ROBO1: variants seen among roughly 807,000 people sequenced by gnomAD.
ROBO1 encodes the protein roundabout homolog 1.
In ROBO1, 149 loss-of-function variants were observed where a neutral mutation model predicts 195.9. That is an observed-to-expected ratio of 0.76 (90% CI 0.67 to 0.87). The LOEUF (loss-of-function observed/expected upper bound fraction) is 0.87, where lower values mean the gene tolerates loss of function less well. Among genes scored for constraint, ROBO1 ranks in the 40% least tolerant of loss-of-function variants. The pLI is 0.00. For synonymous variants in ROBO1, 816 were observed against 733.2 expected (o/e 1.11, Z -1.82); for missense variants, 1,933 against 2,068.3 (o/e 0.93, Z 1.27).
chr3:79,218,718 G>A (rs1269281456), intron 2 of ROBO1, among the ~76,000 whole-genome samples: 2 of 151,756 alleles, frequency 1.3e-5, no homozygotes, highest in Non-Finnish European at 2.9e-5. Context: ...AGACTCCCTC[G>A]AGTCCCAAGG....
At chr3:79,144,926 G>T (rs563002974) in intron 2 of ROBO1, among the ~76,000 whole-genome samples, 1 of 152,034 alleles carries the variant, frequency 6.6e-6, no homozygotes, top group South Asian at 2.1e-4. Context: ...GTGTGTTTTG[G>T]ACTATATAGT....
chr3:79,263,798 A>C (rs2082983608), intron 2 of ROBO1, among the ~76,000 whole-genome samples: 1 of 151,916 alleles, frequency 6.6e-6, no homozygotes, highest in Non-Finnish European at 1.5e-5. Context: ...TTTCCCTCCC[A>C]CTTAAAACAT....
chr3:79,113,651 G>A (rs991346412), intron 3 of ROBO1, among the ~76,000 whole-genome samples: 4 of 151,852 alleles, frequency 2.6e-5, no homozygotes, highest in South Asian at 2.1e-4. Flanking sequence ...CCTGTAACCC[G>A]AGCTACTTGG....
chr3:79,635,177 A>G (rs1945461428), intron 1 of ROBO1, among the ~76,000 whole-genome samples: 1 of 152,204 alleles, frequency 6.6e-6, no homozygotes, highest in African/African-American at 2.4e-5. Context: ...CCTATGTTTT[A>G]CCATCGCCTT....
At chr3:79,327,801 T>C (rs2034274037) in intron 2 of ROBO1, among the ~76,000 whole-genome samples, 1 of 152,140 alleles carries the variant, frequency 6.6e-6, no homozygotes, top group Non-Finnish European at 1.5e-5. Context: ...ATGATGCATA[T>C]GACAGCCAAA....
intron 2 of ROBO1, among the ~76,000 whole-genome samples, chr3:79,357,230 G>T (rs149667808): frequency 3.1e-4 from 47 of 152,202 alleles, no homozygotes; most frequent in African/African-American, 1.0e-3. Flanking sequence ...AGTCATGAGG[G>T]CACATGCCTG....
chr3:79,164,778 C>T (rs1452020641), intron 2 of ROBO1, among the ~76,000 whole-genome samples: 2 of 152,114 alleles, frequency 1.3e-5, no homozygotes, highest in Non-Finnish European at 2.9e-5. Flanking sequence ...ACTCCTCTCC[C>T]CTTGCTCTAT....
intron 3 of ROBO1, among the ~76,000 whole-genome samples, chr3:78,980,677 C>T (rs1424560664): frequency 6.6e-6 from 1 of 152,096 alleles, no homozygotes; most frequent in Non-Finnish European, 1.5e-5. Flanking sequence ...GTTAAAAACA[C>T]CACCACCACC....
intron 2 of ROBO1, among the ~76,000 whole-genome samples, chr3:79,181,092 A>T (rs1476665056): frequency 6.6e-6 from 1 of 152,122 alleles, no homozygotes; most frequent in Admixed American, 6.5e-5. Context: ...TCTGTCTCTC[A>T]TAGTCTTCTC....
At chr3:79,723,762 CTT>C (rs1335355891) in intron 1 of ROBO1, among the ~76,000 whole-genome samples, 6 of 151,104 alleles carry the variant, frequency 4.0e-5, no homozygotes, top group Non-Finnish European at 7.4e-5. Flanking sequence ...TAATATGAAA[CTT>C]AATTAAACTT....
rs138062241 is a variant in ROBO1 at position 79,759,942 on chromosome 3, A to C, written c.-51+7810T>G. ...GGTAGATCAAAAGACCTGAATGTAA[A>C]AAGCAAAACTGAGGCGGGGAGTGGT... On this transcript the variant is annotated intron_variant, in intron 1 of 30. Transcript: ENST00000464233. Among the ~76,000 whole-genome samples the C allele has an allele frequency of 2.3e-3, 345 of 152,266 alleles. 2 individuals carry two copies. The highest frequency in any genetic ancestry group is 7.8e-3 in the African/African-American group (324 of 41,562).
chr3:79,585,718 T>C (rs1201560693), intron 2 of ROBO1, among the ~76,000 whole-genome samples: 4 of 151,936 alleles, frequency 2.6e-5, no homozygotes, highest in African/African-American at 4.8e-5. Context: ...TGTTAGATAA[T>C]TTGTAGATAT....
intron 1 of ROBO1, among the ~76,000 whole-genome samples, chr3:79,752,013 C>T (rs923400838): frequency 7.2e-5 from 11 of 152,138 alleles, no homozygotes; most frequent in South Asian, 2.1e-4. Flanking sequence ...CAGCTACAAA[C>T]GAAAACAATA....
intron 3 of ROBO1, among the ~76,000 whole-genome samples, chr3:79,114,095 A>T (rs2079945559): frequency 6.6e-6 from 1 of 152,164 alleles, no homozygotes. Flanking sequence ...TCCTGCCTTC[A>T]TGTAAGACTT....
intron 2 of ROBO1, among the ~76,000 whole-genome samples, chr3:79,561,808 G>A (rs1942929851): frequency 6.6e-6 from 1 of 152,082 alleles, no homozygotes; most frequent in Non-Finnish European, 1.5e-5. Context: ...GATGAAGACT[G>A]CACTGTGGAC....
intron 2 of ROBO1, among the ~76,000 whole-genome samples, chr3:79,201,700 T>A (rs2081767244): frequency 1.3e-5 from 2 of 151,890 alleles, no homozygotes; most frequent in Admixed American, 1.3e-4. Flanking sequence ...CTAGTCCTCA[T>A]CTTCCTCAAC....
chr3:79,066,749 G>A (rs970154004), intron 3 of ROBO1, among the ~76,000 whole-genome samples: 1 of 151,796 alleles, frequency 6.6e-6, no homozygotes, highest in Non-Finnish European at 1.5e-5. Flanking sequence ...AGATCACACT[G>A]GAAGGAATAT....
At chr3:79,423,832 G>A (rs1278975772) in intron 2 of ROBO1, among the ~76,000 whole-genome samples, 1 of 152,072 alleles carries the variant, frequency 6.6e-6, no homozygotes, top group Admixed American at 6.6e-5. Context: ...AGAACTGCGG[G>A]TAGGACTGAA....
At chr3:79,228,083 T>G (rs1369649175) in intron 2 of ROBO1, among the ~76,000 whole-genome samples, 1 of 152,154 alleles carries the variant, frequency 6.6e-6, no homozygotes, top group African/African-American at 2.4e-5. Context: ...TCAGATCTGT[T>G]TAACACAAGC....
Sources: gnomAD v4.1 joint callset for allele counts (sites outside exome capture counted in the v4.1 genomes callset) on GRCh38, gnomAD v4.1.1 for gene constraint, MANE v1.5 for transcripts, NCBI Gene and HGNC (gene_info 2026-07-23, HGNC 2026-07-21) for gene names.